The following SYN3 variants were observed in gnomAD, a reference collection of about 807,000 sequenced individuals.
The protein encoded by SYN3 is synapsin-3.
SYN3 carries 35 observed loss-of-function variants against 65.8 expected under a neutral mutation model. That is an observed-to-expected ratio of 0.53 (90% CI 0.41 to 0.70). The LOEUF (loss-of-function observed/expected upper bound fraction) is 0.70. SYN3 is among the 30% of genes least tolerant of loss of function. The pLI, the probability that SYN3 is intolerant of heterozygous loss-of-function variation, is 0.00. For missense variants in SYN3, 680 were observed against 749.0 expected (o/e 0.91, Z 1.08); for synonymous variants, 270 against 292.9 (o/e 0.92, Z 0.80).
In SYN3 at chr22:32,574,475, T is replaced by A. The variant is rs533873273; in HGVS notation, c.774+22199A>T. ...GCCTGGGCACCAGAGACAGACTCCA[T>A]CTCTTTAAAAAAAATCACCATCGTG... is the stretch of plus-strand genomic sequence containing the variant. On this transcript the variant is annotated intron_variant, in intron 7 of 13. Coordinates refer to ENST00000358763, the MANE Select transcript of SYN3 (RefSeq NM_003490.4). 5.9e-5 allele frequency among the ~76,000 whole-genome samples: 9 copies of A among 152,044 alleles called. No homozygotes were observed. In the South Asian group the frequency reaches 1.0e-3, roughly 18 times the overall value.
In SYN3 at chr22:32,954,524, C is replaced by A. The variant is rs909572439; in HGVS notation, c.370-23043G>T. ...ATTGCTATGAGCTGGGCTCCACATG[C>A]TTAGACACCATTCTGCCAAATGCTC... On this transcript the variant is annotated intron_variant, in intron 3 of 13. Coordinates refer to ENST00000358763, the MANE Select transcript of SYN3 (RefSeq NM_003490.4). Among the ~76,000 whole-genome samples, 3 of 152,354 alleles carry A rather than the reference C, an allele frequency of 2.0e-5. No individual in the cohort carries two copies. In the East Asian group the frequency reaches 5.8e-4, roughly 29 times the overall value.
At chr22:33,010,578 G>A (rs988384856) in intron 1 of SYN3, among the ~76,000 whole-genome samples, 35 of 152,144 alleles carry the variant, frequency 2.3e-4, no homozygotes, top group Admixed American at 1.4e-3. Context: ...TTTCCAGAAA[G>A]TTTTAAAATC....
At chr22:32,968,406 C>T (rs2051913014) in intron 3 of SYN3, among the ~76,000 whole-genome samples, 1 of 152,152 alleles carries the variant, frequency 6.6e-6, no homozygotes, top group Admixed American at 6.5e-5. Context: ...TCTTCTAAGA[C>T]CACTGTCAGC....
At chr22:33,026,295 T>C (rs2053640457) in intron 1 of SYN3, among the ~76,000 whole-genome samples, 1 of 152,154 alleles carries the variant, frequency 6.6e-6, no homozygotes, top group Admixed American at 6.5e-5. Flanking sequence ...AATAACAGAA[T>C]AAATGGAGGT....
At chr22:32,583,262 T>C (rs2058975530) in intron 7 of SYN3, 1 of 152,268 alleles carries the variant, frequency 6.6e-6, no homozygotes, top group Non-Finnish European at 1.5e-5. Flanking sequence ...TGGCCACCTG[T>C]CGGCAGTGAT....
At chr22:32,876,004 G>A (rs2048972209) in intron 4 of SYN3, among the ~76,000 whole-genome samples, 1 of 152,144 alleles carries the variant, frequency 6.6e-6, no homozygotes, top group African/African-American at 2.4e-5. Flanking sequence ...CCCATGCATG[G>A]CCCCATTCCC....
intron 8 of SYN3, among the ~76,000 whole-genome samples, chr22:32,541,004 T>C (rs2058244998): frequency 6.6e-6 from 1 of 152,220 alleles, no homozygotes; most frequent in Admixed American, 6.5e-5. Flanking sequence ...ATATTTTTGT[T>C]TGCTTTTTTA....
rs534396144 is a variant in SYN3 at position 32,865,137 on chromosome 22, T to C, written c.622-133A>G. On this transcript the variant is annotated intron_variant, in intron 5 of 13. Transcript: ENST00000358763. Reference sequence around the variant, plus strand: ...AGTAGGTGCTATCCTACCCTGCCTATAGGATAAAGACCAGATTCCTTGGCT... The same window carrying C: ...AGTAGGTGCTATCCTACCCTGCCTACAGGATAAAGACCAGATTCCTTGGCT... 342 of 685,166 alleles carry C rather than the reference T, an allele frequency of 5.0e-4. 1 individual carries two copies. The highest frequency in any genetic ancestry group is 7.4e-4 in the Non-Finnish European group (281 of 382,134). The allele number at this position is 685,166 out of a possible 1,614,324, so 42.4% of individuals were successfully genotyped here. A position where few individuals can be genotyped will look rare whatever the true frequency, so the allele number is the denominator to read the frequency against.
At chr22:32,573,715 G>A (rs2058810016) in intron 7 of SYN3, among the ~76,000 whole-genome samples, 1 of 151,200 alleles carries the variant, frequency 6.6e-6, no homozygotes, top group Non-Finnish European at 1.5e-5. Flanking sequence ...TGTTTTGGTG[G>A]TACAACTGGA....
At chr22:33,042,993 A>G (rs2053991608) in intron 1 of SYN3, among the ~76,000 whole-genome samples, 1 of 152,164 alleles carries the variant, frequency 6.6e-6, no homozygotes, top group Non-Finnish European at 1.5e-5. Flanking sequence ...CAGGCCATAT[A>G]CCCTTTTGTT....
At chr22:32,745,630 T>C (rs17703444) in intron 6 of SYN3, among the ~76,000 whole-genome samples, 10,205 of 152,086 alleles carry the variant, frequency 0.067, 368 homozygotes, top group Middle Eastern at 0.095. Flanking sequence ...GCAAAGGTAT[T>C]TGGCACCTCC....
chr22:33,050,877 G>C (rs117062550), intron 1 of SYN3, among the ~76,000 whole-genome samples: 152 of 152,290 alleles, frequency 1.0e-3, no homozygotes, highest in Non-Finnish European at 1.9e-3. Context: ...CCCACTACCA[G>C]CGCAGCTCGG....
chr22:32,539,733 T>C (rs938508789), intron 8 of SYN3, among the ~76,000 whole-genome samples: 3 of 149,148 alleles, frequency 2.0e-5, no homozygotes, highest in African/African-American at 7.5e-5. Context: ...AATGACAAAG[T>C]GGAGCTGTCA....
At chr22:33,012,037 C>G (rs913153605) in intron 1 of SYN3, among the ~76,000 whole-genome samples, 1 of 152,096 alleles carries the variant, frequency 6.6e-6, no homozygotes, top group Non-Finnish European at 1.5e-5. Context: ...TTCTATTTCA[C>G]TTATTTCTGT....
At chr22:32,914,530 C>T (rs1239200467) in intron 4 of SYN3, among the ~76,000 whole-genome samples, 1 of 151,636 alleles carries the variant, frequency 6.6e-6, no homozygotes, top group African/African-American at 2.4e-5. Flanking sequence ...CTCTGCCTCC[C>T]AGGTTCGTGC....
chr22:33,046,278 G>A (rs1398126803), intron 1 of SYN3, among the ~76,000 whole-genome samples: 8 of 152,220 alleles, frequency 5.3e-5, no homozygotes, highest in Admixed American at 5.2e-4. Flanking sequence ...AATTAGTTTG[G>A]AAGTTTCTTA....
rs117545429 is a variant in SYN3, at chr22:32,912,695, T to C, written c.461+18695A>G. Among the ~76,000 whole-genome samples, 232 of 150,978 alleles carry C rather than the reference T, an allele frequency of 1.5e-3. 3 individuals are homozygous for C. The East Asian group carries it at 0.027, about 17-fold the overall frequency. On this transcript the variant is annotated intron_variant, in intron 4 of 13. Transcript: ENST00000358763. Reference sequence around the variant, plus strand: ...ATGATTGTACCACTACATTCTAGACTGGGCAAAACAGCAAGACCTTTTCTC... The same window carrying C: ...ATGATTGTACCACTACATTCTAGACCGGGCAAAACAGCAAGACCTTTTCTC...
intron 12 of SYN3, among the ~76,000 whole-genome samples, chr22:32,522,296 T>C (rs2057897797): frequency 6.6e-6 from 1 of 152,348 alleles, no homozygotes; most frequent in East Asian, 1.9e-4. Context: ...TGGTTTTAAA[T>C]TGATTGTTTT....
chr22:32,849,775 G>A (rs2048167970), intron 6 of SYN3, among the ~76,000 whole-genome samples: 1 of 152,148 alleles, frequency 6.6e-6, no homozygotes, highest in Non-Finnish European at 1.5e-5. Context: ...GCACTTGTTA[G>A]GAAGCTGAGC....
Sources: gnomAD v4.1 joint callset for allele counts (sites outside exome capture counted in the v4.1 genomes callset) on GRCh38, gnomAD v4.1.1 for gene constraint, MANE v1.5 for transcripts, NCBI Gene and HGNC (gene_info 2026-07-23, HGNC 2026-07-21) for gene names.